The following SAMMSON variants were observed in gnomAD, a reference collection of about 807,000 sequenced individuals.
SAMMSON encodes the protein long intergenic non-protein coding RNA 1212.
At chr3:70,376,684 C>T (rs1177790079) in intron 9 of SAMMSON, among the ~76,000 whole-genome samples, 3 of 152,030 alleles carry the variant, frequency 2.0e-5, no homozygotes, top group African/African-American at 7.2e-5. Flanking sequence ...CTTTTCTCAT[C>T]CAGAGCCAGG....
intron 9 of SAMMSON, among the ~76,000 whole-genome samples, chr3:70,364,996 G>T (rs1702910079): frequency 6.7e-6 from 1 of 150,110 alleles, no homozygotes; most frequent in African/African-American, 2.4e-5. Context: ...TTTTTTTTCT[G>T]GGATATCTTG....
chr3:70,036,625 A>C (rs974290079), intron 3 of SAMMSON, among the ~76,000 whole-genome samples: 1 of 152,184 alleles, frequency 6.6e-6, no homozygotes, highest in African/African-American at 2.4e-5. Context: ...TAGGTCTGCT[A>C]TAGCCATGTG....
At chr3:70,021,825 TA>T (rs1183734950) in intron 3 of SAMMSON, among the ~76,000 whole-genome samples, 1 of 152,162 alleles carries the variant, frequency 6.6e-6, no homozygotes, top group Admixed American at 6.6e-5. Context: ...AATCTTGACT[TA>T]AAAAAACTAG....
At chr3:70,157,841 CAG>C (rs1372562096) in intron 4 of SAMMSON, among the ~76,000 whole-genome samples, 2 of 152,046 alleles carry the variant, frequency 1.3e-5, no homozygotes, top group African/African-American at 4.8e-5. Flanking sequence ...TTATAAATCT[CAG>C]AGAGGCAAAA....
chr3:70,275,916 A>T (rs1702020743), intron 6 of SAMMSON, among the ~76,000 whole-genome samples: 1 of 152,182 alleles, frequency 6.6e-6, no homozygotes, highest in South Asian at 2.1e-4. Flanking sequence ...CTCATTGTCG[A>T]TGCAAATCAT....
At chr3:70,371,659 C>A (rs2106746149) in intron 9 of SAMMSON, among the ~76,000 whole-genome samples, 2 of 151,956 alleles carry the variant, frequency 1.3e-5, no homozygotes, top group Middle Eastern at 6.8e-3. Flanking sequence ...TGTAGAAATG[C>A]TATTGATTTT....
chr3:70,363,046 T>G (rs1457150276), intron 9 of SAMMSON, among the ~76,000 whole-genome samples: 1 of 151,722 alleles, frequency 6.6e-6, no homozygotes, highest in Non-Finnish European at 1.5e-5. Flanking sequence ...TAGACCATAG[T>G]AAAGACAAAG....
At chr3:70,061,491 A>T (rs1239388825) in intron 3 of SAMMSON, among the ~76,000 whole-genome samples, 1 of 152,118 alleles carries the variant, frequency 6.6e-6, no homozygotes, top group Non-Finnish European at 1.5e-5. Context: ...GTCTTGAAAT[A>T]TCAGAGCATC....
chr3:70,087,896 G>C (rs1426790231), intron 4 of SAMMSON, among the ~76,000 whole-genome samples: 1 of 152,124 alleles, frequency 6.6e-6, no homozygotes, highest in South Asian at 2.1e-4. Context: ...AGGGATGTAT[G>C]GATGAGTTAT....
intron 6 of SAMMSON, among the ~76,000 whole-genome samples, chr3:70,278,700 C>A (rs935945816): frequency 7.9e-5 from 12 of 152,196 alleles, no homozygotes; most frequent in Middle Eastern, 3.4e-3. Context: ...GCATATCCAA[C>A]CTGGTTGGAA....
At chr3:70,234,318 A>G (rs1200529216) in intron 4 of SAMMSON, among the ~76,000 whole-genome samples, 1 of 152,172 alleles carries the variant, frequency 6.6e-6, no homozygotes, top group African/African-American at 2.4e-5. Context: ...AGGCACTCTG[A>G]TGAGGTTTGG....
intron 4 of SAMMSON, among the ~76,000 whole-genome samples, chr3:70,142,097 T>C (rs1317663970): frequency 1.4e-5 from 2 of 145,690 alleles, no homozygotes; most frequent in African/African-American, 5.1e-5. Context: ...TGTAAACCAG[T>C]ACAACCACTA....
At chr3:70,072,928 C>T (rs1382936882) in intron 4 of SAMMSON, among the ~76,000 whole-genome samples, 4 of 151,992 alleles carry the variant, frequency 2.6e-5, no homozygotes, top group Admixed American at 2.0e-4. Context: ...TAATTGGGCT[C>T]ATTGTAAATG....
chr3:70,306,304 G>T (rs553559110), intron 7 of SAMMSON, among the ~76,000 whole-genome samples: 23 of 152,042 alleles, frequency 1.5e-4, no homozygotes, highest in Non-Finnish European at 2.9e-5. Context: ...GTAAAGACGG[G>T]GTTTCACCAT....
At position 70,047,165 on chromosome 3, in the gene SAMMSON, G is replaced by C. The variant is rs138796827; in HGVS notation, n.418-24311G>C. Among the ~76,000 whole-genome samples, 402 of 152,060 alleles carry C rather than the reference G, an allele frequency of 2.6e-3. 3 individuals are homozygous for C. The highest frequency in any genetic ancestry group is 9.4e-3 in the African/African-American group (388 of 41,492). On this transcript the variant is annotated intron_variant and non_coding_transcript_variant, in intron 3 of 9. Transcript: ENST00000642114. The stretch of plus-strand genomic sequence containing the variant: ...CATTTTTTAGTTGATGCCTCTTTTG[G>C]ACCCCTTACAAAAGTGATAAAGTAT...
chr3:70,417,519 A>G (rs1701272935), intron 2 of SAMMSON, among the ~76,000 whole-genome samples: 1 of 152,230 alleles, frequency 6.6e-6, no homozygotes, highest in African/African-American at 2.4e-5. Flanking sequence ...GCTCAATTAA[A>G]AATGGAAATG....
intron 7 of SAMMSON, among the ~76,000 whole-genome samples, chr3:70,345,177 A>G (rs1286066891): frequency 1.3e-5 from 2 of 152,018 alleles, no homozygotes; most frequent in Non-Finnish European, 2.9e-5. Flanking sequence ...CTTATCTCTA[A>G]CCTCCTGCTC....
At chr3:70,285,584 G>A (rs896695800) in intron 6 of SAMMSON, among the ~76,000 whole-genome samples, 33 of 151,736 alleles carry the variant, frequency 2.2e-4, no homozygotes, top group Non-Finnish European at 1.3e-4. Flanking sequence ...GTAATGGGAT[G>A]GCTGTGTCAA....
At chr3:70,249,955 A>C (rs1701745049) in intron 6 of SAMMSON, among the ~76,000 whole-genome samples, 1 of 152,212 alleles carries the variant, frequency 6.6e-6, no homozygotes, top group Admixed American at 6.5e-5. Context: ...GTTATAGCAC[A>C]TAATTAGATC....
Sources: gnomAD v4.1 joint callset for allele counts (sites outside exome capture counted in the v4.1 genomes callset) on GRCh38, gnomAD v4.1.1 for gene constraint, MANE v1.5 for transcripts, NCBI Gene and HGNC (gene_info 2026-07-23, HGNC 2026-07-21) for gene names.